Variants in ECM2 observed in about 807,000 individuals in gnomAD.
The protein encoded by ECM2 is extracellular matrix protein 2, female organ and adipocyte specific.
Under a neutral mutation model 67.5 loss-of-function variants are expected in ECM2, and 57 were observed. The observed-to-expected ratio is 0.84, with a 90% CI of 0.68 to 1.05. ECM2 has a LOEUF of 1.05. Among genes scored for constraint, ECM2 ranks in the 50% least tolerant of loss-of-function variants. ECM2 has a pLI of 0.00. For synonymous variants in ECM2, 258 were observed against 294.5 expected, an observed-to-expected ratio of 0.88 and a Z score of 1.27; for missense variants, 741 against 822.8, an observed-to-expected ratio of 0.90 and a Z score of 1.22.
Position 92,514,958 on chromosome 9 carries a change from C to G in ECM2, c.727G>C (p.Gly243Arg). Residue 243 changes from glycine (G) to arginine (R), a missense_variant, in exon 4 of 10, where the codon GGG becomes CGG. Physicochemically the swap from Gly to Arg is moderately radical, Grantham distance 125. Transcript: ENST00000344604. The stretch of plus-strand genomic sequence containing the variant: ...TTTCTGTCTCCTCCTCTGCTGTCCC[C>G]CTCACTGTAAAGTTGCCCCTGATTT... ...SRNQGQLYSEGDSRGGDRKQR... is the reference protein window; with the variant it reads ...SRNQGQLYSERDSRGGDRKQR... 6.2e-7 allele frequency: 1 copy of G among 1,614,100 alleles called. No individual in the cohort carries two copies. Among genetic ancestry groups the G allele is most frequent in the Non-Finnish European group, 8.5e-7 (1 of 1,180,000 alleles).
chr9:92,517,545 A>G (rs1323067715), intron 3 of ECM2, 142 bp downstream of exon 3: 5 of 1,098,582 alleles, frequency 4.6e-6, no homozygotes, highest in South Asian at 4.5e-5. Flanking sequence ...GATATTTTCT[A>G]TGTTAATCAG....
chr9:92,545,151 G>A, the ECM2 span, among the ~76,000 whole-genome samples: 1 of 152,224 alleles, frequency 6.6e-6, no homozygotes. Flanking sequence ...GGCCGTGCTT[G>A]AGGAGTCCTT....
the ECM2 span, among the ~76,000 whole-genome samples, chr9:92,546,672 C>T: frequency 2.6e-5 from 4 of 152,116 alleles, no homozygotes; most frequent in East Asian, 5.8e-4. Flanking sequence ...TAACACTCAC[C>T]GTGAGGGTCC....
chr9:92,533,142 C>CA (rs149924321), intron 1 of ECM2, among the ~76,000 whole-genome samples: 3,760 of 148,346 alleles, frequency 0.025, 58 homozygotes, highest in Non-Finnish European at 0.04. Flanking sequence ...ATTAAAAATA[C>CA]AAAAAAAATT....
At chr9:92,532,359 G>C (rs1848851594) in intron 1 of ECM2, among the ~76,000 whole-genome samples, 1 of 151,852 alleles carries the variant, frequency 6.6e-6, no homozygotes, top group South Asian at 2.1e-4. Context: ...GGCACTTCTT[G>C]AATTTGTGGC....
intron 1 of ECM2, among the ~76,000 whole-genome samples, chr9:92,526,568 A>C (rs1001559677): frequency 5.9e-5 from 9 of 151,996 alleles, no homozygotes; most frequent in African/African-American, 2.2e-4. Context: ...GGAAAAAAAG[A>C]AATAATAAAG....
the ECM2 span, among the ~76,000 whole-genome samples, chr9:92,554,723 C>T: frequency 2.8e-4 from 42 of 151,970 alleles, 1 homozygote; most frequent in African/African-American, 9.7e-5. Flanking sequence ...CTGCAACCTC[C>T]GCTGCCCGGC....
At chr9:92,535,902 A>T in intron 1 of ECM2, 31 bp downstream of exon 1, 1 of 460,086 alleles carries the variant, frequency 2.2e-6, no homozygotes, top group South Asian at 1.6e-5. Flanking sequence ...CCACATGCTA[A>T]GTAGAAACTT....
At chr9:92,538,388 CA>C (rs1445772307), upstream of ECM2, among the ~76,000 whole-genome samples, 1 of 152,142 alleles carries the variant, frequency 6.6e-6, no homozygotes, top group Non-Finnish European at 1.5e-5. Flanking sequence ...AAGGAATAAA[CA>C]ACAAAATATT....
upstream of ECM2, among the ~76,000 whole-genome samples, chr9:92,539,603 G>A (rs1239116615): frequency 6.6e-6 from 1 of 152,070 alleles, no homozygotes; most frequent in Non-Finnish European, 1.5e-5. Context: ...TAAATTTCTG[G>A]AAGATAAGCA....
At chr9:92,501,135 A>C (rs1265335150) in intron 8 of ECM2, 82 bp from the exon 9 acceptor site, 1 of 1,381,358 alleles carries the variant, frequency 7.2e-7, no homozygotes, top group East Asian at 2.4e-5. Context: ...GCCAGTCTCG[A>C]TGCTGGTCCA....
chr9:92,536,038 A>G, upstream of ECM2: 1 of 504,342 alleles, frequency 2.0e-6, no homozygotes, highest in Non-Finnish European at 3.9e-6. Context: ...GACAGAAGGG[A>G]ATGTTGAAAA....
the ECM2 span, among the ~76,000 whole-genome samples, chr9:92,549,782 G>T: frequency 3.3e-5 from 5 of 152,162 alleles, no homozygotes; most frequent in Non-Finnish European, 4.4e-5. Flanking sequence ...CCCTAAGATA[G>T]TGCTGTTAGG....
chr9:92,536,191 A>C, upstream of ECM2: 1 of 370,106 alleles, frequency 2.7e-6, no homozygotes, highest in Non-Finnish European at 5.1e-6. Flanking sequence ...TAATCATAAG[A>C]AAAGTAGAAA....
chr9:92,510,127 C>A (rs1847247469), intron 5 of ECM2, 93 bp from the exon 6 acceptor site: 1 of 1,411,312 alleles, frequency 7.1e-7, no homozygotes, highest in Admixed American at 2.4e-5. Context: ...TCTCACAAAC[C>A]TATCCTTCCT....
chr9:92,532,924 T>A (rs1848887644), intron 1 of ECM2, among the ~76,000 whole-genome samples: 1 of 152,054 alleles, frequency 6.6e-6, no homozygotes, highest in African/African-American at 2.4e-5. Context: ...AGAATTTGCG[T>A]CTGTTTCAGG....
At chr9:92,535,132 G>GTA (rs373851736) in intron 1 of ECM2, among the ~76,000 whole-genome samples, 16,140 of 152,028 alleles carry the variant, frequency 0.11, 933 homozygotes, top group Middle Eastern at 0.15. Context: ...TACTTACCCA[G>GTA]AAATCTAAAT....
downstream of ECM2, chr9:92,494,252 GC>G: frequency 1.7e-6 from 2 of 1,159,366 alleles, no homozygotes; most frequent in South Asian, 1.5e-5. Context: ...TTCAGTTTGA[GC>G]CCCCTTTAAT....
chr9:92,525,195 G>A (rs1037232262), intron 1 of ECM2, among the ~76,000 whole-genome samples: 6 of 152,108 alleles, frequency 3.9e-5, no homozygotes, highest in Non-Finnish European at 8.8e-5. Flanking sequence ...GTGCATACCT[G>A]TAGTCCTAGC....
Sources: allele counts gnomAD v4.1 joint callset (sites outside exome capture counted in the v4.1 genomes callset), GRCh38; gene constraint gnomAD v4.1.1; transcripts MANE v1.5; gene names NCBI Gene and HGNC (gene_info 2026-07-23, HGNC 2026-07-21).